Variants in SANBR observed in about 807,000 individuals in gnomAD.
SANBR encodes the protein SANT and BTB domain regulator of class switch recombination.
SANBR carries 77 observed loss-of-function variants against 101.8 expected under a neutral mutation model. The ratio of observed to expected loss-of-function variants is 0.76; its 90% CI spans 0.63 to 0.91. The LOEUF is 0.91. Among genes scored for constraint, SANBR ranks in the 40% least tolerant of loss-of-function variants. The pLI, the probability that SANBR is intolerant of heterozygous loss-of-function variation, is 0.00. For synonymous variants in SANBR, 279 were observed against 274.7 expected (o/e 1.02, Z -0.15); for missense variants, 875 against 853.0 (o/e 1.03, Z -0.32).
chr2:61,088,789 G>C (rs2104893592), intron 10 of SANBR: 2 of 870,892 alleles, frequency 2.3e-6, no homozygotes, highest in East Asian at 2.3e-4. Flanking sequence ...AAAGTACTGG[G>C]ATTATAGGTG....
At chr2:61,102,830 G>A (rs983930318) in intron 12 of SANBR, among the ~76,000 whole-genome samples, 1 of 151,918 alleles carries the variant, frequency 6.6e-6, no homozygotes. Flanking sequence ...GAGCCACCAC[G>A]CCGAGCCAGA....
At chr2:61,117,872 T>C (rs1435444790) in intron 19 of SANBR, among the ~76,000 whole-genome samples, 156 bp from the exon 20 acceptor site, 1 of 152,252 alleles carries the variant, frequency 6.6e-6, no homozygotes, top group Non-Finnish European at 1.5e-5. Flanking sequence ...TGCCACTTGC[T>C]AACTTAAATT....
rs1331667512 is a variant in SANBR, at chr2:61,073,564, T to C, written c.431+13T>C. On this transcript the variant is annotated intron_variant, in intron 5 of 21. Coordinates refer to ENST00000402291, the MANE Select transcript of SANBR (RefSeq NM_001129993.3). ...AAGAATCTGAAGGGTAGGCGGCTGG[T>C]TGTTTGCTAGATAAGATTAAATATT... The C allele has an allele frequency of 7.5e-6, 11 of 1,457,512 alleles. No homozygotes were observed. The highest frequency in any genetic ancestry group is 1.0e-5 in the Non-Finnish European group (11 of 1,053,690). The allele number at this position is 1,457,512 out of a possible 1,614,324, so 90.3% of individuals were successfully genotyped here. A position where few individuals can be genotyped will look rare whatever the true frequency, so the allele number is the denominator to read the frequency against.
At chr2:61,117,977 G>A in intron 19 of SANBR, 51 bp from the exon 20 acceptor site, 2 of 1,366,840 alleles carry the variant, frequency 1.5e-6, no homozygotes, top group Non-Finnish European at 2.1e-6. Context: ...GAAATAAAAA[G>A]TTATATATCA....
chr2:61,121,440 A>T, intron 21 of SANBR, 164 bp downstream of exon 21: 1 of 483,394 alleles, frequency 2.1e-6, no homozygotes, highest in Non-Finnish European at 3.8e-6. Context: ...TTTTAACTTA[A>T]AAGATAAAAT....
intron 8 of SANBR, among the ~76,000 whole-genome samples, chr2:61,084,246 G>C (rs965648717): frequency 1.3e-5 from 2 of 152,096 alleles, no homozygotes; most frequent in Admixed American, 1.3e-4. Context: ...GAGCCACCAT[G>C]CCTGGCCAAA....
chr2:61,101,638 C>T (rs1426931025), intron 12 of SANBR, among the ~76,000 whole-genome samples: 2 of 149,396 alleles, frequency 1.3e-5, no homozygotes, highest in African/African-American at 4.9e-5. Context: ...GAGGCTGAGG[C>T]AGGAGAATGG....
chr2:61,136,068 G>T (rs1200553108), intron 21 of SANBR, among the ~76,000 whole-genome samples: 1 of 152,170 alleles, frequency 6.6e-6, no homozygotes, highest in African/African-American at 2.4e-5. Context: ...ACTCTGGGAG[G>T]CCGAGGCGGG....
chr2:61,077,673 T>G (rs1473093635), intron 6 of SANBR, among the ~76,000 whole-genome samples: 1 of 152,210 alleles, frequency 6.6e-6, no homozygotes, highest in Non-Finnish European at 1.5e-5. Flanking sequence ...TTATTAAATC[T>G]TGACCATTGA....
rs758241890 is a variant in SANBR, at chr2:61,097,865, T to A, written c.1365+13T>A. 5.6e-6 allele frequency: 9 copies of A among 1,605,608 alleles called. No individual in the cohort carries two copies. The South Asian group carries it at 1.0e-4, about 18-fold the overall frequency. ...TCAGCTTACAAAGGTGAATTTTGAATATTGCCCTTAGTAGCTACAGTTTTT... is the reference window on the plus strand; with the variant it reads ...TCAGCTTACAAAGGTGAATTTTGAAAATTGCCCTTAGTAGCTACAGTTTTT... On this transcript the variant is annotated intron_variant, in intron 12 of 21. Coordinates refer to ENST00000402291, the MANE Select transcript of SANBR (RefSeq NM_001129993.3).
chr2:61,085,381 G>A (rs957624241), intron 8 of SANBR, among the ~76,000 whole-genome samples: 7 of 151,956 alleles, frequency 4.6e-5, no homozygotes, highest in Admixed American at 2.0e-4. Flanking sequence ...AATACCATAT[G>A]TTGAAAAGAC....
chr2:61,095,253 C>T (rs1270228886), intron 11 of SANBR, among the ~76,000 whole-genome samples: 1 of 152,064 alleles, frequency 6.6e-6, no homozygotes, highest in Non-Finnish European at 1.5e-5. Context: ...TTTTCCTCTC[C>T]TTTACAGCAA....
intron 15 of SANBR, among the ~76,000 whole-genome samples, chr2:61,108,728 G>A (rs1392354104): frequency 6.6e-6 from 1 of 151,698 alleles, no homozygotes; most frequent in African/African-American, 2.4e-5. Context: ...TCACAAGAAT[G>A]GAACAGGAAT....
chr2:61,130,744 C>T (rs1405745324), intron 20 of SANBR, among the ~76,000 whole-genome samples: 2 of 150,914 alleles, frequency 1.3e-5, no homozygotes, highest in East Asian at 1.9e-4. Context: ...GTCAGGAGTT[C>T]GACACCAGCC....
rs572789347 is a variant in SANBR, at chr2:61,130,615, A to G, written c.2029-3522A>G. Among the ~76,000 whole-genome samples the G allele has an allele frequency of 3.9e-4, 60 of 152,268 alleles. 1 individual carries two copies. The highest frequency in any genetic ancestry group is 1.4e-3 in the African/African-American group (59 of 41,558). On this transcript the variant is annotated intron_variant, in intron 20 of 21. Transcript: ENST00000295031. ...TGGAAAGTTGACTTAATATCTGAAA[A>G]TTAATGTAATACACTGTATCAATAT...
intron 10 of SANBR, 92 bp downstream of exon 10, chr2:61,088,560 C>T (rs1409849440): frequency 8.3e-6 from 7 of 841,746 alleles, no homozygotes; most frequent in Non-Finnish European, 1.2e-5. Flanking sequence ...TACTCTGTCA[C>T]CCAGGCTGGC....
chr2:61,122,257 C>G lies in SANBR; in HGVS notation c.*95C>G. 5 of 1,432,334 alleles carry G rather than the reference C, an allele frequency of 3.5e-6. No homozygotes were observed. Among genetic ancestry groups the G allele is most frequent in the Non-Finnish European group, 4.6e-6 (5 of 1,081,720 alleles). The allele number at this position is 1,432,334 out of a possible 1,614,324, so 88.7% of individuals were successfully genotyped here. The stretch of plus-strand genomic sequence containing the variant: ...AGATCTTCAGAACAATGACTTCCAA[C>G]TGTTTTATGTTATTATTATTTTAAT... On this transcript the variant is annotated 3_prime_UTR_variant, in exon 22 of 22. Transcript: ENST00000402291.
At chr2:61,109,663 C>G (rs1573650213) in intron 16 of SANBR, among the ~76,000 whole-genome samples, 1 of 142,168 alleles carries the variant, frequency 7.0e-6, no homozygotes, top group African/African-American at 2.6e-5. Context: ...TAGTGGAAAG[C>G]ATGTTTTTTT....
At chr2:61,126,721 G>A (rs1230655865), downstream of SANBR, among the ~76,000 whole-genome samples, 1 of 143,268 alleles carries the variant, frequency 7.0e-6, no homozygotes, top group Non-Finnish European at 1.5e-5. Flanking sequence ...AGAATCACTT[G>A]AACCCGGAAG....
Sources: gnomAD v4.1 joint callset for allele counts (sites outside exome capture counted in the v4.1 genomes callset) on GRCh38, gnomAD v4.1.1 for gene constraint, MANE v1.5 for transcripts, NCBI Gene and HGNC (gene_info 2026-07-23, HGNC 2026-07-21) for gene names.